Variants in ANK3 observed in about 807,000 individuals in gnomAD.
ANK3 encodes ankyrin-3.
ANK3 carries 57 observed loss-of-function variants against 370.9 expected under a neutral mutation model. That is an observed-to-expected ratio of 0.15 (90% confidence interval 0.12 to 0.19). ANK3 has a LOEUF of 0.19. Among genes scored for constraint, ANK3 ranks in the 10% least tolerant of loss-of-function variants. ANK3 has a pLI of 1.00. For synonymous variants in ANK3, 1,929 were observed against 1,946.3 expected (o/e 0.99, Z 0.23); for missense variants, 4,439 against 5,302.1 (o/e 0.84, Z 5.06).
At chr10:60,166,481 A>G in intron 23 of ANK3, 110 bp downstream of exon 23, 2 of 809,964 alleles carry the variant, frequency 2.5e-6, no homozygotes, top group Non-Finnish European at 4.0e-6. Context: ...AATAATCTCA[A>G]GATAATATGA....
At chr10:60,472,102 G>A (rs1009860956) in intron 2 of ANK3, among the ~76,000 whole-genome samples, 3 of 152,118 alleles carry the variant, frequency 2.0e-5, no homozygotes, top group Admixed American at 6.6e-5. Flanking sequence ...TTCAAGTGAA[G>A]CTTATGACAA....
At chr10:60,310,677 T>C (rs1424590894) in intron 1 of ANK3, among the ~76,000 whole-genome samples, 1 of 152,140 alleles carries the variant, frequency 6.6e-6, no homozygotes, top group Non-Finnish European at 1.5e-5. Flanking sequence ...GCCAGACAGA[T>C]CTGTAATCAA....
At chr10:60,449,891 T>C (rs938377107) in intron 2 of ANK3, among the ~76,000 whole-genome samples, 2 of 152,046 alleles carry the variant, frequency 1.3e-5, no homozygotes, top group African/African-American at 4.8e-5. Flanking sequence ...AACTAAGTAA[T>C]AGATGGTTAA....
intron 16 of ANK3, among the ~76,000 whole-genome samples, chr10:60,188,366 A>G (rs1283199773): frequency 3.9e-5 from 6 of 152,220 alleles, no homozygotes; most frequent in Admixed American, 3.3e-4. Flanking sequence ...GTAAGATTAC[A>G]CTTTGACATG....
chr10:60,262,045 T>C, intron 6 of ANK3, 88 bp from the exon 7 acceptor site: 1 of 1,105,742 alleles, frequency 9.0e-7, no homozygotes. Flanking sequence ...CAAATAAAAA[T>C]GAGGAAGCAA....
chr10:60,245,503 T>A (rs2097539816), intron 7 of ANK3, among the ~76,000 whole-genome samples: 1 of 152,212 alleles, frequency 6.6e-6, no homozygotes, highest in African/African-American at 2.4e-5. Flanking sequence ...TCACTTCCCA[T>A]TTCTCTGTTT....
chr10:60,709,700 T>C (rs1303738409), intron 1 of ANK3, among the ~76,000 whole-genome samples: 2 of 151,808 alleles, frequency 1.3e-5, no homozygotes, highest in African/African-American at 4.8e-5. Flanking sequence ...TGGTGGCACA[T>C]GCCTGTCATC....
chr10:60,383,809 T>G (rs2061874509), intron 1 of ANK3, among the ~76,000 whole-genome samples: 1 of 152,180 alleles, frequency 6.6e-6, no homozygotes, highest in African/African-American at 2.4e-5. Context: ...TTGCCTGGCA[T>G]CTTAGGGTGT....
intron 2 of ANK3, among the ~76,000 whole-genome samples, chr10:60,400,415 C>T (rs1278801711): frequency 6.6e-6 from 1 of 152,116 alleles, no homozygotes; most frequent in Non-Finnish European, 1.5e-5. Flanking sequence ...AGAAATCATG[C>T]TTATTTAAAA....
At chr10:60,246,255 C>CAAAAAAAAAAAAAAAAAAAAAAA (rs869144298) in intron 7 of ANK3, among the ~76,000 whole-genome samples, 1 of 92,702 alleles carries the variant, frequency 1.1e-5, no homozygotes, top group Non-Finnish European at 2.0e-5. Context: ...AACCCTGTAT[C>CAAAAAAAAAAAAAAAAAAAAAAA]AAAAAAAAAA....
intron 1 of ANK3, among the ~76,000 whole-genome samples, chr10:60,372,304 C>T (rs186910003): frequency 1.3e-5 from 2 of 152,232 alleles, no homozygotes; most frequent in East Asian, 1.9e-4. Context: ...GGATGTACTA[C>T]ATCAATATAT....
chr10:60,151,810 T>A (rs2095132396), intron 23 of ANK3, among the ~76,000 whole-genome samples: 1 of 152,202 alleles, frequency 6.6e-6, no homozygotes, highest in Non-Finnish European at 1.5e-5. Context: ...ATATTAGAAG[T>A]ACAAGGATTT....
chr10:60,393,194 A>G (rs1168514243), upstream of ANK3, among the ~76,000 whole-genome samples: 1 of 152,158 alleles, frequency 6.6e-6, no homozygotes, highest in Non-Finnish European at 1.5e-5. Flanking sequence ...GGCTGAATGG[A>G]AAAATGGTAT....
At chr10:60,723,641 T>C (rs750910396) in intron 1 of ANK3, among the ~76,000 whole-genome samples, 34 of 152,150 alleles carry the variant, frequency 2.2e-4, no homozygotes, top group Non-Finnish European at 2.9e-5. Flanking sequence ...TAGCAATGGG[T>C]AGACACTCAA....
intron 18 of ANK3, among the ~76,000 whole-genome samples, chr10:60,173,614 G>T (rs375535958): frequency 1.4e-4 from 22 of 152,278 alleles, no homozygotes; most frequent in African/African-American, 5.1e-4. Context: ...ATAACACATG[G>T]CAGGAGGTGA....
intron 1 of ANK3, among the ~76,000 whole-genome samples, chr10:60,661,107 A>G (rs1178511324): frequency 6.6e-6 from 1 of 151,678 alleles, no homozygotes; most frequent in Non-Finnish European, 1.5e-5. Context: ...AATAAAATAT[A>G]GAGGAAGAAG....
intron 2 of ANK3, among the ~76,000 whole-genome samples, chr10:60,535,565 C>G (rs1305783236): frequency 1.3e-5 from 2 of 151,924 alleles, no homozygotes; most frequent in Admixed American, 1.3e-4. Flanking sequence ...CAAGACTTAG[C>G]AATAAAGAGG....
At chr10:60,621,893 C>T (rs2078342793) in intron 1 of ANK3, among the ~76,000 whole-genome samples, 1 of 151,778 alleles carries the variant, frequency 6.6e-6, no homozygotes, top group African/African-American at 2.4e-5. Context: ...TGAACCCTGG[C>T]CTGGAATAAC....
At chr10:60,221,543 A>G (rs939380043) in intron 8 of ANK3, among the ~76,000 whole-genome samples, 1 of 152,220 alleles carries the variant, frequency 6.6e-6, no homozygotes, top group Admixed American at 6.5e-5. Context: ...ACCAAAAGTC[A>G]AACCCTTTTC....
Sources: allele counts gnomAD v4.1 joint callset (sites outside exome capture counted in the v4.1 genomes callset), GRCh38; gene constraint gnomAD v4.1.1; transcripts MANE v1.5; gene names NCBI Gene and HGNC (gene_info 2026-07-23, HGNC 2026-07-21).